Variants in MAML3 observed in about 807,000 individuals in gnomAD.
MAML3 encodes the protein mastermind like transcriptional coactivator 3, also known as mastermind-like protein 3.
MAML3 carries 27 observed loss-of-function variants against 101.9 expected under a neutral mutation model. The ratio of observed to expected loss-of-function variants is 0.27; its 90% CI spans 0.20 to 0.37. The LOEUF (loss-of-function observed/expected upper bound fraction) is 0.37. Among genes scored for constraint, MAML3 ranks in the 10% least tolerant of loss-of-function variants. The pLI is 1.00. For synonymous variants in MAML3, 501 were observed against 555.9 expected (o/e 0.90, Z 1.39); for missense variants, 1,316 against 1,444.9 (o/e 0.91, Z 1.45).
chr4:139,890,715 C>G lies in MAML3; in HGVS notation c.721G>C (p.Glu241Gln). ...NSGTHTPGLL[E>Q]DLSKNGRLPE... ...AGCCTACCATTCTTACTTAGATCTTCTAGAAGCCCAGGAGTGTGAGTTCCA... is the reference window on the plus strand; with the variant it reads ...AGCCTACCATTCTTACTTAGATCTTGTAGAAGCCCAGGAGTGTGAGTTCCA... Residue 241 changes from glutamate to glutamine, a missense_variant, in exon 2 of 5, where the codon GAA becomes CAA. Glu to Gln is a conservative substitution (Grantham distance 29, BLOSUM62 2). Transcript: ENST00000509479. The surrounding 1 kb of genome is among the most constrained non-coding windows in gnomAD (Gnocchi z 4.1). The G allele has an allele frequency of 1.9e-6, 3 of 1,613,994 alleles. No individual in the cohort carries two copies. The highest frequency in any genetic ancestry group is 2.5e-6 in the Non-Finnish European group (3 of 1,179,890).
At chr4:139,997,970 G>A (rs1267185284) in intron 1 of MAML3, among the ~76,000 whole-genome samples, 1 of 151,962 alleles carries the variant, frequency 6.6e-6, no homozygotes, top group African/African-American at 2.4e-5. Flanking sequence ...TCTTCTCTTT[G>A]AACAATCCGA....
At chr4:139,943,633 G>T (rs2110743395) in intron 1 of MAML3, among the ~76,000 whole-genome samples, 1 of 152,260 alleles carries the variant, frequency 6.6e-6, no homozygotes, top group African/African-American at 2.4e-5. Context: ...GAAAGAACCA[G>T]GATGAAGAGT....
At chr4:139,866,028 C>T (rs896558873) in intron 2 of MAML3, among the ~76,000 whole-genome samples, 64 of 152,192 alleles carry the variant, frequency 4.2e-4, no homozygotes, top group Admixed American at 3.0e-3. Flanking sequence ...CAGGAATGTC[C>T]CACAAATGTA....
chr4:140,068,587 T>A (rs530090476), intron 1 of MAML3, among the ~76,000 whole-genome samples: 92 of 152,328 alleles, frequency 6.0e-4, no homozygotes, highest in Admixed American at 9.8e-4. Flanking sequence ...GAAACGAATA[T>A]GGATTTAAAT....
At chr4:140,066,797 G>A (rs1727543759) in intron 1 of MAML3, among the ~76,000 whole-genome samples, 1 of 152,190 alleles carries the variant, frequency 6.6e-6, no homozygotes, top group South Asian at 2.1e-4. Flanking sequence ...ACCAACTGCT[G>A]CTTCCTTTCT....
At chr4:140,103,959 C>T (rs1728293211) in intron 1 of MAML3, among the ~76,000 whole-genome samples, 1 of 152,152 alleles carries the variant, frequency 6.6e-6, no homozygotes, top group Non-Finnish European at 1.5e-5. Context: ...ACCACCCCAT[C>T]CTATTGTTCA....
intron 1 of MAML3, among the ~76,000 whole-genome samples, chr4:140,134,980 G>A (rs1678212163): frequency 6.6e-6 from 1 of 152,122 alleles, no homozygotes. Context: ...ATCATCCTTT[G>A]CACTTTGGAA....
chr4:139,916,628 A>G (rs866697449), intron 1 of MAML3, among the ~76,000 whole-genome samples: 20 of 152,348 alleles, frequency 1.3e-4, no homozygotes, highest in African/African-American at 4.1e-4. Context: ...AGGGCCACCA[A>G]CCATGGTTCT....
At chr4:139,949,566 C>T (rs1733797738) in intron 1 of MAML3, among the ~76,000 whole-genome samples, 3 of 152,302 alleles carry the variant, frequency 2.0e-5, no homozygotes, top group African/African-American at 7.2e-5. Flanking sequence ...AAGAAATACC[C>T]ATCATTTGAT....
At chr4:140,137,302 T>A (rs865841480) in intron 1 of MAML3, among the ~76,000 whole-genome samples, 35 of 152,364 alleles carry the variant, frequency 2.3e-4, no homozygotes, top group Admixed American at 5.2e-4. Flanking sequence ...GAAGATTTTT[T>A]AAACTATAAA....
intron 2 of MAML3, among the ~76,000 whole-genome samples, chr4:139,793,694 T>C (rs1296318973): frequency 1.3e-5 from 2 of 152,238 alleles, no homozygotes; most frequent in Non-Finnish European, 2.9e-5. Context: ...TTTTCACTGC[T>C]TTCTATCAAA....
At chr4:139,737,831 AC>A (rs1729004809) in intron 2 of MAML3, among the ~76,000 whole-genome samples, 1 of 152,140 alleles carries the variant, frequency 6.6e-6, no homozygotes, top group Admixed American at 6.5e-5. Context: ...AAAAGGGCCC[AC>A]CCCATCTAAT....
At chr4:140,049,507 A>AG (rs1560877327) in intron 1 of MAML3, among the ~76,000 whole-genome samples, 1 of 152,248 alleles carries the variant, frequency 6.6e-6, no homozygotes, top group South Asian at 2.1e-4. Context: ...AGAACAGAGG[A>AG]GGGGGGAAGA....
chr4:139,986,502 T>G (rs184315519), intron 1 of MAML3, among the ~76,000 whole-genome samples: 1 of 152,348 alleles, frequency 6.6e-6, no homozygotes, highest in East Asian at 1.9e-4. Context: ...ATTCTCCCAC[T>G]TCTTGTTTCT....
At chr4:139,977,504 C>T (rs1290739198) in intron 1 of MAML3, among the ~76,000 whole-genome samples, 1 of 152,036 alleles carries the variant, frequency 6.6e-6, no homozygotes, top group Non-Finnish European at 1.5e-5. Context: ...GCAGTCAGAC[C>T]CTACTTTGGA....
chr4:139,747,208 C>A (rs1175076216), intron 2 of MAML3, among the ~76,000 whole-genome samples: 3 of 152,110 alleles, frequency 2.0e-5, no homozygotes, highest in Non-Finnish European at 4.4e-5. Flanking sequence ...AAAGCTTATA[C>A]CAAATCCACA....
intron 1 of MAML3, among the ~76,000 whole-genome samples, chr4:140,005,701 A>C (rs1313731136): frequency 6.6e-6 from 1 of 152,256 alleles, no homozygotes; most frequent in Non-Finnish European, 1.5e-5. Context: ...CATCCTGGAG[A>C]TGAACTTTGT....
At chr4:139,853,648 G>C (rs1338066369) in intron 2 of MAML3, among the ~76,000 whole-genome samples, 1 of 152,116 alleles carries the variant, frequency 6.6e-6, no homozygotes, top group Non-Finnish European at 1.5e-5. Flanking sequence ...AGTGTTATTA[G>C]CACTTGCTGA....
At chr4:139,805,461 AC>A (rs1730684303) in intron 2 of MAML3, among the ~76,000 whole-genome samples, 1 of 152,150 alleles carries the variant, frequency 6.6e-6, no homozygotes, top group Non-Finnish European at 1.5e-5. Flanking sequence ...GCTAATCAAG[AC>A]CCTCTTTTTA....
Sources: gnomAD v4.1 joint callset for allele counts (sites outside exome capture counted in the v4.1 genomes callset) on GRCh38, gnomAD v4.1.1 for gene constraint, Gnocchi (gnomAD v3.1) non-coding constraint, MANE v1.5 for transcripts, NCBI Gene and HGNC (gene_info 2026-07-23, HGNC 2026-07-21) for gene names.